ZNF787: variants seen among roughly 807,000 people sequenced by gnomAD.
The protein encoded by ZNF787 is TTF-I-interacting peptide 20.
In ZNF787, 7 loss-of-function variants were observed where a neutral mutation model predicts 16.9. The observed-to-expected ratio is 0.42, with a 90% CI of 0.24 to 0.78. The LOEUF (loss-of-function observed/expected upper bound fraction) is 0.78, where lower values mean the gene tolerates loss of function less well. Among genes scored for constraint, ZNF787 ranks in the 30% least tolerant of loss-of-function variants. The probability of loss-of-function intolerance (pLI) is 0.30; values close to 1 mark genes in which losing one functional copy is unlikely to be tolerated. For missense variants in ZNF787, 551 were observed against 589.3 expected (o/e 0.94, Z 0.67); for synonymous variants, 345 against 270.9 (o/e 1.27, Z -2.69).
rs1555775551 is a variant in ZNF787, at chr19:56,092,022, G to GCCAAAGCCGAAA, written c.80-2931_80-2930insTTTCGGCTTTGG. On this transcript the variant is annotated intron_variant, in intron 2 of 2. Transcript: ENST00000610935. ...AACGGAAGCCAAAGCCGAAACCGAA[G>GCCAAAGCCGAAA]CCGAAGCCGAAGCCGAAGCCGAAGC... 3.9e-3 allele frequency among the ~76,000 whole-genome samples: 89 copies of GCCAAAGCCGAAA among 22,990 alleles called. 1 individual carries two copies. The South Asian group carries it at 0.32, about 83-fold the overall frequency. 15.1% of individuals were successfully genotyped at this position (22,990 alleles called of 152,430 possible).
At position 56,116,321 on chromosome 19, in the gene ZNF787, AG is replaced by A. The variant is rs562374213; in HGVS notation, c.-11+4850del. On this transcript the variant is annotated intron_variant, in intron 1 of 2. Transcript: ENST00000610935. ...GCCAGGCATGGTGGCGGGCGCCTGT[AG>A]TCCCAGCTACCGGGGAGGCTGAGGC... Among the ~76,000 whole-genome samples the A allele has an allele frequency of 2.1e-3, 316 of 152,214 alleles. 1 individual carries two copies. Among genetic ancestry groups the A allele is most frequent in the South Asian group, 7.3e-3 (35 of 4,818 alleles).
At chr19:56,110,940 AG>A (rs1005194378) in intron 1 of ZNF787, among the ~76,000 whole-genome samples, 9 of 152,188 alleles carry the variant, frequency 5.9e-5, no homozygotes, top group Admixed American at 6.5e-5. Flanking sequence ...ATAGCTGGGT[AG>A]GGGGGTAGTG....
chr19:56,116,845 C>G (rs1306341847), intron 1 of ZNF787, among the ~76,000 whole-genome samples: 1 of 152,188 alleles, frequency 6.6e-6, no homozygotes, highest in African/African-American at 2.4e-5. Flanking sequence ...CTTTCCCAGA[C>G]TGCTCCCTTC....
chr19:56,094,659 C>T (rs547044784), intron 2 of ZNF787, among the ~76,000 whole-genome samples: 21 of 152,252 alleles, frequency 1.4e-4, no homozygotes, highest in African/African-American at 4.1e-4. Flanking sequence ...TTCTTTCACA[C>T]GCTGCACTGC....
At chr19:56,089,136 G>C in intron 2 of ZNF787, 44 bp from the exon 3 acceptor site, 1 of 1,389,454 alleles carries the variant, frequency 7.2e-7, no homozygotes, top group Non-Finnish European at 9.4e-7. Flanking sequence ...AGAGAGGCAA[G>C]GGCTCCACGC....
At chr19:56,093,617 A>G (rs890711889) in intron 2 of ZNF787, among the ~76,000 whole-genome samples, 1 of 152,030 alleles carries the variant, frequency 6.6e-6, no homozygotes, top group Non-Finnish European at 1.5e-5. Flanking sequence ...ATTCGCTTTT[A>G]GGTTCCTCAG....
At chr19:56,115,458 A>C (rs1221712220) in intron 1 of ZNF787, among the ~76,000 whole-genome samples, 1 of 144,374 alleles carries the variant, frequency 6.9e-6, no homozygotes, top group Non-Finnish European at 1.5e-5. Flanking sequence ...TCCCGGGTTC[A>C]CGCCATTCTC....
At chr19:56,103,281 C>T (rs1314772729) in intron 1 of ZNF787, 54 bp from the exon 2 acceptor site, 7 of 1,473,916 alleles carry the variant, frequency 4.7e-6, no homozygotes, top group African/African-American at 1.4e-5. Context: ...CCAGGCTGCA[C>T]CGAGGGCCCT....
At chr19:56,103,417 C>T in intron 1 of ZNF787, 190 bp from the exon 2 acceptor site, 1 of 474,070 alleles carries the variant, frequency 2.1e-6, no homozygotes, top group South Asian at 4.7e-5. Flanking sequence ...ACTGCAGGGG[C>T]CAGCCAAGGC....
chr19:56,119,723 G>A (rs1327547515), intron 1 of ZNF787, among the ~76,000 whole-genome samples: 1 of 152,228 alleles, frequency 6.6e-6, no homozygotes, highest in Non-Finnish European at 1.5e-5. Flanking sequence ...GTGCCCGGAT[G>A]GATGGATAAG....
At chr19:56,091,803 A>G (rs1985585744) in intron 2 of ZNF787, among the ~76,000 whole-genome samples, 1 of 152,190 alleles carries the variant, frequency 6.6e-6, no homozygotes, top group South Asian at 2.1e-4. Context: ...GCATCTCAGT[A>G]AGGCCCAGGA....
At chr19:56,115,206 G>C (rs773195720) in intron 1 of ZNF787, among the ~76,000 whole-genome samples, 1 of 151,980 alleles carries the variant, frequency 6.6e-6, no homozygotes, top group South Asian at 2.1e-4. Context: ...CTTCCCTCTC[G>C]TCTGAGCCGG....
intron 2 of ZNF787, 98 bp downstream of exon 2, chr19:56,103,040 GA>G: frequency 7.1e-7 from 1 of 1,402,186 alleles, no homozygotes; most frequent in Non-Finnish European, 1.0e-6. Context: ...CCCAAGAGGG[GA>G]AAACAGGGAA....
In ZNF787 at chr19:56,100,132, G is replaced by C. The variant is rs764502870; in HGVS notation, c.79+3007C>G. ...AGTCAGGAGCTGAGGAAGGGTCCGG[G>C]GTGAGGGCCCGCTGGTCCACGGCAT... On this transcript the variant is annotated intron_variant, in intron 2 of 2. Coordinates refer to ENST00000610935, the MANE Select transcript of ZNF787 (RefSeq NM_001002836.4). 2.0e-5 allele frequency among the ~76,000 whole-genome samples: 3 copies of C among 152,188 alleles called. 1 individual carries two copies. The highest frequency in any genetic ancestry group is 6.5e-5 in the Admixed American group (1 of 15,284).
chr19:56,105,882 C>CTCCGGCCGCG (rs1568531068), intron 1 of ZNF787, among the ~76,000 whole-genome samples: 1 of 151,734 alleles, frequency 6.6e-6, no homozygotes, highest in African/African-American at 2.4e-5. Context: ...CCGCGCATTC[C>CTCCGGCCGCG]CCCGGCCGCG....
At chr19:56,093,580 C>CT (rs1478657372) in intron 2 of ZNF787, among the ~76,000 whole-genome samples, 35 of 152,156 alleles carry the variant, frequency 2.3e-4, no homozygotes, top group African/African-American at 8.2e-4. Flanking sequence ...CCTCCCATCC[C>CT]TTTCCCTGGT....
intron 1 of ZNF787, among the ~76,000 whole-genome samples, chr19:56,113,568 G>A (rs551095927): frequency 7.9e-5 from 12 of 152,190 alleles, no homozygotes; most frequent in Admixed American, 2.0e-4. Context: ...GATGACCCTC[G>A]AACACGGCAC....
chr19:56,099,264 G>T (rs1985999762), intron 2 of ZNF787, among the ~76,000 whole-genome samples: 1 of 152,222 alleles, frequency 6.6e-6, no homozygotes, highest in African/African-American at 2.4e-5. Flanking sequence ...CCCAAGACGG[G>T]ACCCTCTGGT....
chr19:56,088,436 C>G lies in ZNF787; in HGVS notation c.736G>C (p.Val246Leu), dbSNP rs1196867290. The change falls in exon 3 of 3, where the codon GTG becomes CTG. Residue 246 changes from valine (V) to leucine (L), a missense_variant. Transcript: ENST00000610935. This position sits in a 1 kb window ranked among gnomAD's most constrained non-coding sequence, Gnocchi z 8.6. Reference sequence around the variant, plus strand: ...GCGGCCCCCTCGCCCGGCGCGCCCACCACGATGATGCCCTCGCCATCGCCC... The same window carrying G: ...GCGGCCCCCTCGCCCGGCGCGCCCAGCACGATGATGCCCTCGCCATCGCCC... ...PVGDGEGIIV[V>L]GAPGEGAAAA... is the part of the protein sequence containing the mutation. The G allele has an allele frequency of 1.4e-5, 17 of 1,228,584 alleles. No homozygotes were observed. Among genetic ancestry groups the G allele is most frequent in the Non-Finnish European group, 1.6e-5 (16 of 982,522 alleles). 76.1% of individuals were successfully genotyped at this position (1,228,584 alleles called of 1,614,324 possible). A position where few individuals can be genotyped will look rare whatever the true frequency, so the allele number is the denominator to read the frequency against.
Sources: allele counts gnomAD v4.1 joint callset (sites outside exome capture counted in the v4.1 genomes callset), GRCh38; gene constraint gnomAD v4.1.1; non-coding constraint Gnocchi (gnomAD v3.1); transcripts MANE v1.5; gene names NCBI Gene and HGNC (gene_info 2026-07-23, HGNC 2026-07-21).